GRM1: variants seen among roughly 807,000 people sequenced by gnomAD.
GRM1 encodes the protein glutamate metabotropic receptor 1.
GRM1 carries 33 observed loss-of-function variants against 90.9 expected under a neutral mutation model. The observed-to-expected ratio is 0.36, with a 90% CI of 0.28 to 0.49. GRM1 has a LOEUF of 0.49. GRM1 is among the 20% of genes least tolerant of loss of function. The pLI is 0.99. For synonymous variants in GRM1, 700 were observed against 613.2 expected (o/e 1.14, Z -2.09); for missense variants, 1,190 against 1,534.3 (o/e 0.78, Z 3.75).
At chr6:146,116,451 C>A (rs1008140488) in intron 1 of GRM1, among the ~76,000 whole-genome samples, 3 of 151,938 alleles carry the variant, frequency 2.0e-5, no homozygotes, top group South Asian at 2.1e-4. Flanking sequence ...TAGAATAAAC[C>A]CTATTTGGTA....
At chr6:146,158,233 G>A (rs909990241) in intron 1 of GRM1, among the ~76,000 whole-genome samples, 1 of 152,146 alleles carries the variant, frequency 6.6e-6, no homozygotes, top group African/African-American at 2.4e-5. Context: ...TAAGGAATTT[G>A]CAAGAAGCAA....
Position 146,167,219 on chromosome 6 carries a change from A to C in GRM1, c.950+7622A>C, listed in dbSNP as rs1306938890. Among the ~76,000 whole-genome samples, 3 of 152,112 alleles carry C rather than the reference A, an allele frequency of 2.0e-5. No homozygotes were observed. In the East Asian group the frequency reaches 5.8e-4, roughly 29 times the overall value. ...CCTTCATGCTGTTGGGCATATTACT[A>C]ATTTCCTCTTTATTGTTGAGTAGGA... is the stretch of plus-strand genomic sequence containing the variant. On this transcript the variant is annotated intron_variant, in intron 2 of 7. Coordinates refer to ENST00000282753, the MANE Select transcript of GRM1 (RefSeq NM_001278064.2).
intron 1 of GRM1, among the ~76,000 whole-genome samples, chr6:146,140,021 C>T (rs966412962): frequency 1.4e-5 from 2 of 142,764 alleles, no homozygotes; most frequent in African/African-American, 5.2e-5. Context: ...CCTCACTTCC[C>T]CTCCTCTCCC....
At chr6:146,247,692 A>G (rs1191115383) in intron 2 of GRM1, among the ~76,000 whole-genome samples, 1 of 149,584 alleles carries the variant, frequency 6.7e-6, no homozygotes, top group East Asian at 2.0e-4. Flanking sequence ...TGGAGATTGC[A>G]GTGAGCCAAG....
intron 1 of GRM1, among the ~76,000 whole-genome samples, chr6:146,047,326 G>A (rs1327267384): frequency 3.3e-5 from 5 of 151,736 alleles, no homozygotes; most frequent in African/African-American, 9.7e-5. Context: ...GTTAGAAAGC[G>A]ACACCTTTGC....
At chr6:146,223,598 C>T (rs552574229) in intron 2 of GRM1, among the ~76,000 whole-genome samples, 1 of 152,110 alleles carries the variant, frequency 6.6e-6, no homozygotes, top group South Asian at 2.1e-4. Context: ...TTGAAAAATG[C>T]CAATTTTTTT....
intron 1 of GRM1, among the ~76,000 whole-genome samples, chr6:146,073,634 T>C (rs889367598): frequency 5.3e-5 from 8 of 152,196 alleles, no homozygotes; most frequent in African/African-American, 1.9e-4. Context: ...AAAATCCAAG[T>C]GGTATTGTAG....
intron 5 of GRM1, among the ~76,000 whole-genome samples, chr6:146,381,426 C>T (rs985397135): frequency 1.3e-5 from 2 of 152,152 alleles, no homozygotes; most frequent in Non-Finnish European, 2.9e-5. Flanking sequence ...AGTTCAGTGC[C>T]TCACAATTAC....
At chr6:146,057,702 A>G (rs1288586531) in intron 1 of GRM1, among the ~76,000 whole-genome samples, 1 of 152,098 alleles carries the variant, frequency 6.6e-6, no homozygotes. Flanking sequence ...CTCTTCTACC[A>G]TTCCTTCTTT....
chr6:146,306,742 G>A (rs1783592169), intron 3 of GRM1, among the ~76,000 whole-genome samples: 1 of 152,134 alleles, frequency 6.6e-6, no homozygotes, highest in Admixed American at 6.6e-5. Context: ...CCCGGTAGTG[G>A]GAAGCAAAGT....
At chr6:146,135,831 T>A (rs1361050689) in intron 1 of GRM1, among the ~76,000 whole-genome samples, 1 of 152,148 alleles carries the variant, frequency 6.6e-6, no homozygotes, top group Non-Finnish European at 1.5e-5. Flanking sequence ...GCAATTAAAT[T>A]ATTATTAACT....
chr6:146,081,142 G>A (rs1776351703), intron 1 of GRM1, among the ~76,000 whole-genome samples: 1 of 152,130 alleles, frequency 6.6e-6, no homozygotes. Context: ...GAAATAAAAG[G>A]GCATCTTGAC....
chr6:146,066,088 A>G (rs888910454), intron 1 of GRM1, among the ~76,000 whole-genome samples: 2 of 152,040 alleles, frequency 1.3e-5, no homozygotes, highest in Non-Finnish European at 2.9e-5. Context: ...TTTTGGAACC[A>G]GGGGGTACAT....
At chr6:146,200,412 A>G (rs1235078187) in intron 2 of GRM1, among the ~76,000 whole-genome samples, 1 of 152,200 alleles carries the variant, frequency 6.6e-6, no homozygotes, top group Non-Finnish European at 1.5e-5. Flanking sequence ...CATGATCTCT[A>G]TCAAATGCCT....
intron 3 of GRM1, among the ~76,000 whole-genome samples, chr6:146,314,051 C>CT (rs552986343): frequency 0.26 from 16,084 of 61,426 alleles, 5,371 homozygotes; most frequent in East Asian, 0.43. Flanking sequence ...TAGTTAATTC[C>CT]TTTTTTTTTT....
chr6:146,190,704 G>A (rs73783631), intron 2 of GRM1, among the ~76,000 whole-genome samples: 9,229 of 151,986 alleles, frequency 0.061, 311 homozygotes, highest in African/African-American at 0.079. Context: ...ATGGTTTTTT[G>A]GCTCTGTCTC....
intron 5 of GRM1, among the ~76,000 whole-genome samples, chr6:146,377,801 G>A (rs1776163698): frequency 6.6e-6 from 1 of 152,130 alleles, no homozygotes; most frequent in Admixed American, 6.5e-5. Flanking sequence ...GTTCAGTGCT[G>A]TGCATCCCAG....
chr6:146,374,812 C>A (rs1375735097), intron 5 of GRM1, among the ~76,000 whole-genome samples: 1 of 151,620 alleles, frequency 6.6e-6, no homozygotes, highest in Non-Finnish European at 1.5e-5. Context: ...TTCAAAAAAC[C>A]AACTTTTTGT....
chr6:146,212,155 A>G (rs1265724994), intron 2 of GRM1, among the ~76,000 whole-genome samples: 5 of 152,204 alleles, frequency 3.3e-5, no homozygotes, highest in African/African-American at 1.2e-4. Flanking sequence ...CTAGAAGTCA[A>G]TTGATTATGG....
Sources: gnomAD v4.1 joint callset for allele counts (sites outside exome capture counted in the v4.1 genomes callset) on GRCh38, gnomAD v4.1.1 for gene constraint, MANE v1.5 for transcripts, NCBI Gene and HGNC (gene_info 2026-07-23, HGNC 2026-07-21) for gene names.